The following CPLX1 variants were observed in gnomAD, a reference collection of about 807,000 sequenced individuals.
The protein encoded by CPLX1 is complexin-1.
A neutral mutation model predicts 15.6 loss-of-function variants in CPLX1; 6 were observed. The ratio of observed to expected loss-of-function variants is 0.39; its 90% confidence interval spans 0.21 to 0.76. CPLX1 has a LOEUF of 0.76. Ranked by LOEUF, CPLX1 falls within the 30% of genes least tolerant of loss-of-function variation. The pLI is 0.43. For missense variants in CPLX1, 242 were observed against 188.6 expected (o/e 1.28, Z -1.66); for synonymous variants, 91 against 75.2 (o/e 1.21, Z -1.08).
intron 2 of CPLX1, among the ~76,000 whole-genome samples, chr4:794,964 A>T (rs1020396446): frequency 1.3e-5 from 2 of 152,100 alleles, no homozygotes; most frequent in African/African-American, 2.4e-5. Context: ...CCGCTCTGAG[A>T]GTGTGGAGGC....
chr4:789,649 C>T lies in CPLX1; in HGVS notation c.207+2784G>A, dbSNP rs182489181. On this transcript the variant is annotated intron_variant, in intron 3 of 3. Coordinates refer to ENST00000304062, the MANE Select transcript of CPLX1 (RefSeq NM_006651.4). ...GGGCGGGTCAGTGCGCGGAGCACAG[C>T]GGGGCAGTCTCCCTCCTGCTCCCTG... Among the ~76,000 whole-genome samples the T allele has an allele frequency of 3.9e-5, 6 of 152,300 alleles. No individual in the cohort carries two copies. In the South Asian group the frequency reaches 6.2e-4, roughly 16 times the overall value.
At chr4:825,977 A>ATGC (rs1746980315) in intron 1 of CPLX1, 69 bp downstream of exon 1, 1 of 144,160 alleles carries the variant, frequency 6.9e-6, no homozygotes, top group African/African-American at 2.6e-5. Context: ...CGGGGAGGAG[A>ATGC]CGCCGGGGCC....
chr4:822,856 G>T (rs542883438), intron 2 of CPLX1, among the ~76,000 whole-genome samples: 96 of 105,414 alleles, frequency 9.1e-4, no homozygotes, highest in Middle Eastern at 4.9e-3. Context: ...GCCCTCAGCA[G>T]CTCTGGCTCC....
chr4:816,649 G>A (rs1289902992), intron 2 of CPLX1, among the ~76,000 whole-genome samples: 2 of 151,840 alleles, frequency 1.3e-5, no homozygotes, highest in Non-Finnish European at 2.9e-5. Flanking sequence ...AACATGGTGG[G>A]ACCCTGTCTT....
intron 2 of CPLX1, among the ~76,000 whole-genome samples, chr4:797,916 C>G (rs898529610): frequency 6.6e-6 from 1 of 151,096 alleles, no homozygotes; most frequent in Admixed American, 6.6e-5. Context: ...GGCAACAGAG[C>G]GAGACTCCGT....
At chr4:788,615 A>G (rs1204776336) in intron 3 of CPLX1, 1 of 984,780 alleles carries the variant, frequency 1.0e-6, no homozygotes, top group Non-Finnish European at 1.2e-6. Flanking sequence ...GGGCAGCAAG[A>G]GCAGATTGGT....
intron 3 of CPLX1, chr4:788,527 A>G: frequency 1.0e-5 from 10 of 985,480 alleles, no homozygotes; most frequent in Non-Finnish European, 1.2e-5. Context: ...CGAAGAGCAC[A>G]GGGTAGGAAC....
At chr4:818,787 G>A (rs1317286439) in intron 2 of CPLX1, among the ~76,000 whole-genome samples, 3 of 152,274 alleles carry the variant, frequency 2.0e-5, no homozygotes, top group East Asian at 3.8e-4. Context: ...TGAAAGCGAG[G>A]ACCAGGTGCT....
chr4:819,961 C>A lies in CPLX1; in HGVS notation c.31+4531G>T, dbSNP rs187079577. 4.6e-5 allele frequency among the ~76,000 whole-genome samples: 7 copies of A among 152,336 alleles called. No individual in the cohort carries two copies. The East Asian group carries it at 1.4e-3, about 29-fold the overall frequency. ...GTAGCATCGCTGAGCAGCTGGGCCA[C>A]CTCCTGACACATCGTCACCCCAATT... On this transcript the variant is annotated intron_variant, in intron 2 of 3. Coordinates refer to ENST00000304062, the MANE Select transcript of CPLX1 (RefSeq NM_006651.4).
In CPLX1 at chr4:786,126, T is replaced by C; in HGVS notation, c.*375A>G. ...CCCGCCCGCAGCCCCCCGTCTGCTA[T>C]GGCTGTGCTCCTGAGTGCGGGCCCG... On this transcript the variant is annotated 3_prime_UTR_variant, in exon 4 of 4. Transcript: ENST00000304062. 6.2e-6 allele frequency: 1 copy of C among 160,372 alleles called. No individual in the cohort carries two copies. The highest frequency in any genetic ancestry group is 1.4e-5 in the Non-Finnish European group (1 of 73,622). The allele number at this position is 160,372 out of a possible 1,614,324, so 9.9% of individuals were successfully genotyped here. A position where few individuals can be genotyped will look rare whatever the true frequency, so the allele number is the denominator to read the frequency against.
At chr4:801,843 T>C (rs1746466427) in intron 2 of CPLX1, among the ~76,000 whole-genome samples, 1 of 152,172 alleles carries the variant, frequency 6.6e-6, no homozygotes, top group African/African-American at 2.4e-5. Flanking sequence ...CAAACTTAAA[T>C]CACACAGAGA....
At position 825,791 on chromosome 4, in the gene CPLX1, G is replaced by A. The variant is rs564311074; in HGVS notation, c.-80+255C>T. ...TGCGGGGAGAAGCCGGGGTCGGGGG[G>A]AGAAACGGGGGCCGGAGGGAGAGGC... On this transcript the variant is annotated intron_variant, in intron 1 of 3. Coordinates refer to ENST00000304062, the MANE Select transcript of CPLX1 (RefSeq NM_006651.4). Among the ~76,000 whole-genome samples the A allele has an allele frequency of 1.7e-4, 25 of 150,714 alleles. No individual in the cohort carries two copies. The South Asian group carries it at 3.6e-3, about 22-fold the overall frequency.
intron 1 of CPLX1, 129 bp from the exon 2 acceptor site, chr4:824,730 G>T (rs1163401212): frequency 1.4e-6 from 1 of 701,320 alleles, no homozygotes; most frequent in East Asian, 2.7e-5. Context: ...GGCTGCCTGG[G>T]AAGTCCTTCG....
Position 786,585 on chromosome 4 carries a change from G to T in CPLX1, c.321C>A (p.Asp107Glu). The T allele has an allele frequency of 6.2e-7, 1 of 1,610,970 alleles. No individual in the cohort carries two copies. The highest frequency in any genetic ancestry group is 8.5e-7 in the Non-Finnish European group (1 of 1,178,776). The change falls in exon 4 of 4, where the codon GAC (aspartate) becomes GAA (glutamate). Residue 107 changes from aspartate (D) to glutamate (E), a missense_variant. Physicochemically the swap from Asp to Glu is conservative, Grantham distance 45 (BLOSUM62 2). Coordinates refer to ENST00000304062, the MANE Select transcript of CPLX1 (RefSeq NM_006651.4). The stretch of plus-strand genomic sequence containing the variant: ...TGCTCTCGTCCTCCTCCTCCACCTC[G>T]TCCCCGCAGCCCGGCGGGATGGCCT... Reference protein sequence around the residue: ...PKKAIPPGCGDEVEEEDESIL... With the variant: ...PKKAIPPGCGEEVEEEDESIL...
In CPLX1 at chr4:825,780, G is replaced by A. The variant is rs546313224; in HGVS notation, c.-80+266C>T. Among the ~76,000 whole-genome samples, 454 of 151,192 alleles carry A rather than the reference G, an allele frequency of 3.0e-3. 1 individual carries two copies. Among genetic ancestry groups the A allele is most frequent in the African/African-American group, 0.01 (419 of 41,212 alleles). On this transcript the variant is annotated intron_variant, in intron 1 of 3. Transcript: ENST00000304062. ...GAAACGGGGGCTGCGGGGAGAAGCCGGGGTCGGGGGGAGAAACGGGGGCCG... is the reference window on the plus strand; with the variant it reads ...GAAACGGGGGCTGCGGGGAGAAGCCAGGGTCGGGGGGAGAAACGGGGGCCG...
intron 2 of CPLX1, among the ~76,000 whole-genome samples, chr4:798,058 T>G (rs1346103343): frequency 6.6e-6 from 1 of 152,132 alleles, no homozygotes; most frequent in Non-Finnish European, 1.5e-5. Context: ...GTGGATCACC[T>G]GAGCTCAGGA....
intron 3 of CPLX1, among the ~76,000 whole-genome samples, chr4:791,537 G>A (rs1419254508): frequency 2.0e-5 from 3 of 152,188 alleles, no homozygotes; most frequent in Admixed American, 2.0e-4. Flanking sequence ...TTCCCTGGGT[G>A]CGGCTGACAC....
chr4:825,137 T>G (rs1449887126), intron 1 of CPLX1, among the ~76,000 whole-genome samples: 1 of 150,704 alleles, frequency 6.6e-6, no homozygotes, highest in African/African-American at 2.5e-5. Context: ...AGATCGGGGT[T>G]GGGGAGAAAC....
At position 791,193 on chromosome 4, in the gene CPLX1, G is replaced by GGGGAGCA. The variant is rs1232181305; in HGVS notation, c.207+1239_207+1240insTGCTCCC. Among the ~76,000 whole-genome samples the GGGGAGCA allele has an allele frequency of 3.7e-4, 56 of 150,704 alleles. 1 individual carries two copies. The highest frequency in any genetic ancestry group is 1.3e-3 in the African/African-American group (54 of 40,916). ...AGCTGCGGGGCGGGGGGCGGGGAGC[G>GGGGAGCA]GGGGGCGGAGGGGTGGGCTGGAGGC... On this transcript the variant is annotated intron_variant, in intron 3 of 3. Coordinates refer to ENST00000304062, the MANE Select transcript of CPLX1 (RefSeq NM_006651.4).
Sources: gnomAD v4.1 joint callset for allele counts (sites outside exome capture counted in the v4.1 genomes callset) on GRCh38, gnomAD v4.1.1 for gene constraint, MANE v1.5 for transcripts, NCBI Gene and HGNC (gene_info 2026-07-23, HGNC 2026-07-21) for gene names.